SUSD6: variants seen among roughly 807,000 people sequenced by gnomAD.
The protein encoded by SUSD6 is sushi domain-containing protein 6.
A neutral mutation model predicts 28.4 loss-of-function variants in SUSD6; 16 were observed. The observed-to-expected ratio is 0.56, with a 90% CI of 0.38 to 0.86. The LOEUF (loss-of-function observed/expected upper bound fraction) is 0.86. SUSD6 is among the 40% of genes least tolerant of loss of function. SUSD6 has a pLI of 0.00. For missense variants in SUSD6, 341 were observed against 384.2 expected (o/e 0.89, Z 0.94); for synonymous variants, 147 against 159.6 (o/e 0.92, Z 0.59).
chr14:69,652,222 A>G (rs1189609056), intron 1 of SUSD6, among the ~76,000 whole-genome samples: 2 of 152,192 alleles, frequency 1.3e-5, no homozygotes, highest in Non-Finnish European at 2.9e-5. Flanking sequence ...CGAGACAGGC[A>G]GATCACTTGA....
chr14:69,653,567 GC>G (rs1885534623), intron 1 of SUSD6, among the ~76,000 whole-genome samples: 1 of 152,092 alleles, frequency 6.6e-6, no homozygotes, highest in Non-Finnish European at 1.5e-5. Flanking sequence ...TGTGAGGATG[GC>G]CGAGTGCTAG....
intron 1 of SUSD6, among the ~76,000 whole-genome samples, chr14:69,655,713 T>C (rs1885572280): frequency 6.6e-6 from 1 of 152,040 alleles, no homozygotes; most frequent in Non-Finnish European, 1.5e-5. Context: ...AGCAGAAGGA[T>C]TGCTTGAGCC....
intron 2 of SUSD6, chr14:69,670,431 AG>A (rs1459096537): frequency 2.2e-6 from 1 of 456,754 alleles, no homozygotes; most frequent in South Asian, 1.5e-5. Flanking sequence ...AATACTCATT[AG>A]GGGGTCTCCT....
intron 2 of SUSD6, among the ~76,000 whole-genome samples, chr14:69,690,139 G>A (rs1043428390): frequency 1.3e-5 from 2 of 152,212 alleles, no homozygotes; most frequent in Non-Finnish European, 2.9e-5. Flanking sequence ...ATCTCAGACT[G>A]GTCAGTCAAA....
chr14:69,612,055 C>T (rs1362577694), intron 1 of SUSD6, among the ~76,000 whole-genome samples: 5 of 150,068 alleles, frequency 3.3e-5, no homozygotes, highest in Non-Finnish European at 7.4e-5. Flanking sequence ...GCCAGCCGGC[C>T]AGCAGTGGGG....
At chr14:69,666,584 T>C (rs890136750) in intron 2 of SUSD6, among the ~76,000 whole-genome samples, 3 of 152,254 alleles carry the variant, frequency 2.0e-5, no homozygotes, top group Non-Finnish European at 2.9e-5. Flanking sequence ...GTAGTCCTTT[T>C]GCTTCCTCTT....
chr14:69,701,550 C>T (rs777887893), intron 2 of SUSD6, among the ~76,000 whole-genome samples: 19 of 152,186 alleles, frequency 1.2e-4, no homozygotes, highest in Non-Finnish European at 2.1e-4. Context: ...AAGCAGTTTG[C>T]GGAGGTTTCT....
intron 1 of SUSD6, among the ~76,000 whole-genome samples, chr14:69,620,474 T>G (rs1256412993): frequency 6.6e-6 from 1 of 152,190 alleles, no homozygotes; most frequent in Non-Finnish European, 1.5e-5. Flanking sequence ...AAGAACAAAA[T>G]GGTCATAATA....
chr14:69,702,589 A>G (rs929302519), intron 2 of SUSD6, among the ~76,000 whole-genome samples: 2 of 152,236 alleles, frequency 1.3e-5, no homozygotes, highest in African/African-American at 4.8e-5. Flanking sequence ...CTCATGGGGT[A>G]GAAGCAATGT....
rs1316238748 is a variant in SUSD6 at position 69,713,863 on chromosome 14, T to C, written c.*2884T>C. 2.0e-5 allele frequency: 3 copies of C among 147,728 alleles called. No individual in the cohort carries two copies. Among genetic ancestry groups the C allele is most frequent in the African/African-American group, 7.5e-5 (3 of 39,770 alleles). The allele number at this position is 147,728 out of a possible 1,614,324, so 9.2% of individuals were successfully genotyped here. On this transcript the variant is annotated 3_prime_UTR_variant, in exon 6 of 6. Transcript: ENST00000342745. ...TTTTTTTTTTTTTTTTTTGGCACACTTGAGCTGACTCAGTGCAGGTTTAAT... is the reference window on the plus strand; with the variant it reads ...TTTTTTTTTTTTTTTTTTGGCACACCTGAGCTGACTCAGTGCAGGTTTAAT...
chr14:69,659,106 C>G (rs1388508851), intron 2 of SUSD6, among the ~76,000 whole-genome samples: 1 of 152,176 alleles, frequency 6.6e-6, no homozygotes, highest in Non-Finnish European at 1.5e-5. Flanking sequence ...CTGCAAGGCT[C>G]TGTTTCCTCA....
intron 1 of SUSD6, among the ~76,000 whole-genome samples, chr14:69,640,288 T>G (rs550234569): frequency 4.8e-4 from 73 of 151,750 alleles, no homozygotes; most frequent in Non-Finnish European, 9.4e-4. Flanking sequence ...AGAGAATTCT[T>G]CCATTCTGAA....
intron 1 of SUSD6, among the ~76,000 whole-genome samples, chr14:69,615,038 G>A (rs1026488741): frequency 6.6e-6 from 1 of 152,206 alleles, no homozygotes; most frequent in African/African-American, 2.4e-5. Context: ...TTGTTAGAGG[G>A]TGTTCGCTCA....
In SUSD6 at chr14:69,711,570, G is replaced by A. The variant is rs1294280098; in HGVS notation, c.*591G>A. 2 of 153,000 alleles carry A rather than the reference G, an allele frequency of 1.3e-5. No homozygotes were observed. The highest frequency in any genetic ancestry group is 4.8e-5 in the African/African-American group (2 of 41,466). The allele number at this position is 153,000 out of a possible 1,614,324, so 9.5% of individuals were successfully genotyped here. On this transcript the variant is annotated 3_prime_UTR_variant, in exon 6 of 6. Coordinates refer to ENST00000342745, the MANE Select transcript of SUSD6 (RefSeq NM_014734.4). Reference sequence around the variant, plus strand: ...AAGTGGCTCTAATTGGGGTGAGAGTGTAGTCCCTGGGCTTGCCCTGGGTTG... The same window carrying A: ...AAGTGGCTCTAATTGGGGTGAGAGTATAGTCCCTGGGCTTGCCCTGGGTTG...
chr14:69,637,613 A>G (rs1007299941), intron 1 of SUSD6, among the ~76,000 whole-genome samples: 1 of 152,082 alleles, frequency 6.6e-6, no homozygotes, highest in African/African-American at 2.4e-5. Flanking sequence ...CATTGTGGCA[A>G]AGCATTGGGT....
intron 5 of SUSD6, among the ~76,000 whole-genome samples, chr14:69,709,761 CTCCTGA>C (rs1315264440): frequency 6.6e-6 from 1 of 152,322 alleles, no homozygotes; most frequent in East Asian, 1.9e-4. Context: ...AAATTACTGC[CTCCTGA>C]TGTTTCTGCC....
rs563154048 is a variant in SUSD6, at chr14:69,667,021, C to T, written c.121+8308C>T. Among the ~76,000 whole-genome samples, 8 of 152,324 alleles carry T rather than the reference C, an allele frequency of 5.3e-5. No individual in the cohort carries two copies. The South Asian group carries it at 1.7e-3, about 32-fold the overall frequency. The stretch of plus-strand genomic sequence containing the variant: ...TTCTTCCCATGTAGTAGACACATGT[C>T]TCCTTGGGAGAGGGCGGGACCTTTG... On this transcript the variant is annotated intron_variant, in intron 2 of 5. Coordinates refer to ENST00000342745, the MANE Select transcript of SUSD6 (RefSeq NM_014734.4).
intron 2 of SUSD6, among the ~76,000 whole-genome samples, chr14:69,659,621 G>A (rs1885633750): frequency 6.6e-6 from 1 of 152,126 alleles, no homozygotes; most frequent in Non-Finnish European, 1.5e-5. Flanking sequence ...GGGTTCCAGC[G>A]ATTCTCCTGC....
At chr14:69,630,433 A>T (rs1885176901) in intron 1 of SUSD6, among the ~76,000 whole-genome samples, 1 of 152,226 alleles carries the variant, frequency 6.6e-6, no homozygotes, top group Non-Finnish European at 1.5e-5. Context: ...ACTTAATTAA[A>T]TTACTGAAAC....
Sources: allele counts gnomAD v4.1 joint callset (sites outside exome capture counted in the v4.1 genomes callset), GRCh38; gene constraint gnomAD v4.1.1; transcripts MANE v1.5; gene names NCBI Gene and HGNC (gene_info 2026-07-23, HGNC 2026-07-21).